Variants in KIF24 observed in about 807,000 individuals in gnomAD.
KIF24 encodes kinesin-like protein KIF24.
A neutral mutation model predicts 118.9 loss-of-function variants in KIF24; 81 were observed. The ratio of observed to expected loss-of-function variants is 0.68; its 90% CI spans 0.57 to 0.82. The LOEUF (loss-of-function observed/expected upper bound fraction) is 0.82, where lower values mean the gene tolerates loss of function less well. KIF24 is among the 40% of genes least tolerant of loss of function. The pLI, the probability that KIF24 is intolerant of heterozygous loss-of-function variation, is 0.00. For missense variants in KIF24, 1,560 were observed against 1,661.6 expected (o/e 0.94, Z 1.06); for synonymous variants, 599 against 610.0 (o/e 0.98, Z 0.27).
chr9:34,300,689 A>G (rs1370030022), intron 3 of KIF24, among the ~76,000 whole-genome samples: 1 of 152,014 alleles, frequency 6.6e-6, no homozygotes, highest in Non-Finnish European at 1.5e-5. Flanking sequence ...TTTAATGAAC[A>G]TTATTTATAT....
At chr9:34,303,877 T>C (rs936438395) in intron 3 of KIF24, among the ~76,000 whole-genome samples, 1 of 152,144 alleles carries the variant, frequency 6.6e-6, no homozygotes, top group Non-Finnish European at 1.5e-5. Context: ...CATTGGTCCA[T>C]AGCTTATTTG....
intron 3 of KIF24, among the ~76,000 whole-genome samples, chr9:34,299,111 A>C (rs1472540416): frequency 6.6e-6 from 1 of 151,858 alleles, no homozygotes; most frequent in Admixed American, 6.6e-5. Flanking sequence ...ATATATAAAA[A>C]TATACATACA....
At chr9:34,327,838 T>TAATA (rs1837721982) in intron 1 of KIF24, among the ~76,000 whole-genome samples, 1 of 122,960 alleles carries the variant, frequency 8.1e-6, no homozygotes, top group South Asian at 2.4e-4. Context: ...TTTTCTCTAA[T>TAATA]AAAAAAAAAA....
Position 34,269,339 on chromosome 9 carries a change from C to T in KIF24, c.1361G>A (p.Gly454Asp), listed in dbSNP as rs754042562. Reference sequence around the variant, plus strand: ...CCTTGCATCTGCTGCTCTTTCACTGCCAGCCAAGTCAATAAAAGAGATCCT... The same window carrying T: ...CCTTGCATCTGCTGCTCTTTCACTGTCAGCCAAGTCAATAAAAGAGATCCT... Reference protein sequence around the residue: ...FGRISFIDLAGSERAADARDS... With the variant: ...FGRISFIDLADSERAADARDS... The change falls in exon 8 of 13, where the codon GGC becomes GAC. Residue 454 changes from glycine (G) to aspartate (D), a missense_variant. By Grantham distance (94) the Gly-to-Asp change is moderately conservative (BLOSUM62 -1). Coordinates refer to ENST00000402558, the MANE Select transcript of KIF24 (RefSeq NM_194313.4). 12 of 1,605,756 alleles carry T rather than the reference C, an allele frequency of 7.5e-6. No individual in the cohort carries two copies. In the South Asian group the frequency reaches 1.2e-4, roughly 16 times the overall value.
At position 34,310,752 on chromosome 9, in the gene KIF24, T is replaced by A. The variant is rs765896039; in HGVS notation, c.595A>T (p.Asn199Tyr). The change falls in exon 2 of 13, where the codon AAC (asparagine) becomes TAC (tyrosine). Residue 199 changes from asparagine to tyrosine, a missense_variant. Physicochemically the swap from Asn to Tyr is moderately radical, Grantham distance 143. Coordinates refer to ENST00000402558, the MANE Select transcript of KIF24 (RefSeq NM_194313.4). The stretch of plus-strand genomic sequence containing the variant: ...ATACAAGAATGAGGGATTCCATAGT[T>A]ATACCCTGAAACATGAGAGATTCTT... ...IQRISHVSGY[N>Y]YGIPHSCIRQ... The A allele has an allele frequency of 2.5e-6, 4 of 1,608,476 alleles. No individual in the cohort carries two copies. Among genetic ancestry groups the A allele is most frequent in the Non-Finnish European group, 2.5e-6 (3 of 1,177,208 alleles).
chr9:34,267,493 G>C (rs1488385374), intron 8 of KIF24, among the ~76,000 whole-genome samples: 1 of 151,634 alleles, frequency 6.6e-6, no homozygotes, highest in African/African-American at 2.4e-5. Flanking sequence ...CTCTAATTCA[G>C]GACTGTCCCA....
chr9:34,272,431 C>T (rs1835540339), intron 6 of KIF24, among the ~76,000 whole-genome samples: 1 of 152,112 alleles, frequency 6.6e-6, no homozygotes, highest in Admixed American at 6.5e-5. Flanking sequence ...CCATGATTTC[C>T]CTTGAGACTA....
chr9:34,254,975 C>A, intron 12 of KIF24, 97 bp downstream of exon 12: 1 of 830,144 alleles, frequency 1.2e-6, no homozygotes, highest in Admixed American at 2.1e-5. Flanking sequence ...CCAGGAGACC[C>A]TTTCCCCACA....
At chr9:34,269,581 G>A (rs532250634) in intron 7 of KIF24, among the ~76,000 whole-genome samples, 15 of 151,928 alleles carry the variant, frequency 9.9e-5, no homozygotes, top group African/African-American at 2.4e-4. Flanking sequence ...CACCACGCCC[G>A]GCTAATTTTT....
chr9:34,259,419 TA>T (rs1587911019), intron 10 of KIF24, among the ~76,000 whole-genome samples, 176 bp downstream of exon 10: 2 of 152,376 alleles, frequency 1.3e-5, no homozygotes, highest in Middle Eastern at 3.4e-3. Flanking sequence ...TTCAAATGAC[TA>T]ATTGCCAAGA....
upstream of KIF24, among the ~76,000 whole-genome samples, chr9:34,330,664 C>T (rs767436709): frequency 6.6e-6 from 1 of 152,154 alleles, no homozygotes; most frequent in Non-Finnish European, 1.5e-5. Context: ...GTAGTAACTT[C>T]TTAAAAAATG....
At chr9:34,329,287 G>T (rs1227285108), upstream of KIF24, among the ~76,000 whole-genome samples, 3 of 152,366 alleles carry the variant, frequency 2.0e-5, no homozygotes, top group Admixed American at 1.3e-4. Flanking sequence ...TGTGGCCCGC[G>T]CGTCGCCAGT....
intron 6 of KIF24, among the ~76,000 whole-genome samples, chr9:34,283,282 G>T (rs1835920736): frequency 6.6e-6 from 1 of 151,592 alleles, no homozygotes; most frequent in Non-Finnish European, 1.5e-5. Context: ...AGGTGGGAAG[G>T]ATCACCTGAG....
At chr9:34,304,268 TC>T (rs1399241210) in intron 3 of KIF24, among the ~76,000 whole-genome samples, 2 of 152,180 alleles carry the variant, frequency 1.3e-5, no homozygotes, top group African/African-American at 2.4e-5. Context: ...AAAGAAGTCT[TC>T]CCAGCATTTT....
At chr9:34,320,212 G>A (rs1372176374) in intron 1 of KIF24, among the ~76,000 whole-genome samples, 3 of 151,802 alleles carry the variant, frequency 2.0e-5, no homozygotes, top group Non-Finnish European at 2.9e-5. Flanking sequence ...TCATGGGGAT[G>A]AACTTTTTGT....
Position 34,256,842 on chromosome 9 carries a change from T to A in KIF24, c.2765A>T (p.Glu922Val). Residue 922 changes from glutamate (E) to valine (V), a missense_variant, in exon 11 of 13, where the codon GAG (glutamate) becomes GTG (valine). Physicochemically the swap from Glu to Val is moderately radical, Grantham distance 121. Transcript: ENST00000402558. ...AGAAGGCCCTGAGGAAGTAGAGTTC[T>A]CTCTGCTCCAGTCCACGGGCCCCTT... is the stretch of plus-strand genomic sequence containing the variant. The part of the protein sequence containing the change: ...PSKGPVDWSR[E>V]NSTSSGPSPR... 6.2e-7 allele frequency: 1 copy of A among 1,614,014 alleles called. No individual in the cohort carries two copies. The highest frequency in any genetic ancestry group is 1.1e-5 in the South Asian group (1 of 91,082).
At chr9:34,317,388 A>T (rs1258792903) in intron 1 of KIF24, among the ~76,000 whole-genome samples, 3 of 90,898 alleles carry the variant, frequency 3.3e-5, no homozygotes, top group African/African-American at 9.5e-5. Flanking sequence ...AGACTGTCTT[A>T]AAAAAAAAAA....
intron 7 of KIF24, among the ~76,000 whole-genome samples, chr9:34,271,172 C>G (rs112700494): frequency 1.3e-5 from 2 of 151,856 alleles, no homozygotes; most frequent in African/African-American, 4.8e-5. Flanking sequence ...TGGTACTGTC[C>G]ACTCAAACAT....
upstream of KIF24, among the ~76,000 whole-genome samples, chr9:34,330,512 T>C (rs967868792): frequency 1.4e-5 from 2 of 144,782 alleles, no homozygotes; most frequent in African/African-American, 4.9e-5. Flanking sequence ...CAGGCAGACC[T>C]ACATTTGAGT....
Sources: allele counts gnomAD v4.1 joint callset (sites outside exome capture counted in the v4.1 genomes callset), GRCh38; gene constraint gnomAD v4.1.1; transcripts MANE v1.5; gene names NCBI Gene and HGNC (gene_info 2026-07-23, HGNC 2026-07-21).